The following LRRK1 variants were observed in gnomAD, a reference collection of about 807,000 sequenced individuals.
LRRK1 encodes leucine-rich repeat serine/threonine-protein kinase 1.
A neutral mutation model predicts 209.1 loss-of-function variants in LRRK1; 113 were observed. The observed-to-expected ratio is 0.54, with a 90% CI of 0.46 to 0.63. LRRK1 has a LOEUF of 0.63. LRRK1 is among the 30% of genes least tolerant of loss of function. The pLI is 0.00. For missense variants in LRRK1, 2,284 were observed against 2,632.2 expected, an observed-to-expected ratio of 0.87 and a Z score of 2.89; for synonymous variants, 1,144 against 1,099.7, an observed-to-expected ratio of 1.04 and a Z score of -0.80.
intron 6 of LRRK1, among the ~76,000 whole-genome samples, chr15:101,006,372 TAAAA>T (rs56053663): frequency 1.7e-5 from 2 of 114,448 alleles, no homozygotes; most frequent in East Asian, 4.4e-4. Context: ...GACAATGTGA[TAAAA>T]AAAAAAAAAA....
At chr15:100,949,759 A>T (rs12910172) in intron 2 of LRRK1, among the ~76,000 whole-genome samples, 12,710 of 152,224 alleles carry the variant, frequency 0.083, 697 homozygotes, top group Non-Finnish European at 0.13. Flanking sequence ...TAAAGGAGAA[A>T]AAATATATGA....
intron 26 of LRRK1, among the ~76,000 whole-genome samples, chr15:101,054,570 G>A (rs1459459487): frequency 6.6e-6 from 1 of 152,184 alleles, no homozygotes; most frequent in Non-Finnish European, 1.5e-5. Flanking sequence ...ACTTTGGGAG[G>A]CCCAGGCGGG....
At chr15:101,032,269 A>G (rs1017528994) in intron 20 of LRRK1, among the ~76,000 whole-genome samples, 2 of 151,658 alleles carry the variant, frequency 1.3e-5, no homozygotes, top group Non-Finnish European at 2.9e-5. Context: ...ACTTCTTTAT[A>G]TCTTCTGGAT....
chr15:101,037,327 T>C (rs966176098), intron 20 of LRRK1, among the ~76,000 whole-genome samples: 1 of 152,162 alleles, frequency 6.6e-6, no homozygotes, highest in Non-Finnish European at 1.5e-5. Flanking sequence ...GCAGAGTCGG[T>C]AGGCCCAACC....
Position 100,974,161 on chromosome 15 carries a change from C to T in LRRK1, c.261+194C>T, listed in dbSNP as rs374823787. 42 of 428,706 alleles carry T rather than the reference C, an allele frequency of 9.8e-5. No homozygotes were observed. In the South Asian group the frequency reaches 1.7e-3, roughly 17 times the overall value. The allele number at this position is 428,706 out of a possible 1,614,324, so 26.6% of individuals were successfully genotyped here. On this transcript the variant is annotated intron_variant, in intron 3 of 33. Coordinates refer to ENST00000388948, the MANE Select transcript of LRRK1 (RefSeq NM_024652.6). Reference sequence around the variant, plus strand: ...ACTTCTCAGTCTGATATCACCTAAGCAGGCCCCTGCCACCTTTTCATGGGA... The same window carrying T: ...ACTTCTCAGTCTGATATCACCTAAGTAGGCCCCTGCCACCTTTTCATGGGA...
chr15:100,958,333 T>C (rs1471290013), intron 2 of LRRK1, among the ~76,000 whole-genome samples: 1 of 152,268 alleles, frequency 6.6e-6, no homozygotes, highest in Non-Finnish European at 1.5e-5. Context: ...TTCAGCTGTA[T>C]GCTGGGCAGC....
intron 29 of LRRK1, 65 bp downstream of exon 29, chr15:101,058,206 G>C (rs1468809230): frequency 1.3e-6 from 2 of 1,516,982 alleles, no homozygotes; most frequent in African/African-American, 2.7e-5. Flanking sequence ...TGGAATCTGG[G>C]AACACAGTCG....
intron 2 of LRRK1, among the ~76,000 whole-genome samples, chr15:100,926,680 C>CTTTTTTTTTTTTTTTTTTTTTTTTTTTTT (rs71151990): frequency 1.2e-4 from 10 of 81,848 alleles, no homozygotes; most frequent in Admixed American, 3.2e-4. Flanking sequence ...TTCTTTTTTT[C>CTTTTTTTTTTTTTTTTTTTTTTTTTTTTT]TTTTTTTTTT....
intron 2 of LRRK1, among the ~76,000 whole-genome samples, chr15:100,959,542 A>G (rs117885617): frequency 3.7e-4 from 57 of 152,344 alleles, no homozygotes; most frequent in Non-Finnish European, 7.3e-4. Context: ...AGGCAGACAC[A>G]GGAACAAAAG....
At chr15:101,062,308 G>C in intron 30 of LRRK1, 1 of 372,568 alleles carries the variant, frequency 2.7e-6, no homozygotes, top group Non-Finnish European at 4.9e-6. Context: ...CTTCTGAGAG[G>C]CTGTGCCCCC....
chr15:101,018,178 T>TA (rs34360209), intron 12 of LRRK1, among the ~76,000 whole-genome samples: 11,163 of 126,500 alleles, frequency 0.088, 1,523 homozygotes, highest in African/African-American at 0.31. Context: ...CAAATTGATT[T>TA]AAAAAAAAAA....
At chr15:100,964,781 TACAC>T (rs35276283) in intron 2 of LRRK1, among the ~76,000 whole-genome samples, 2 of 138,620 alleles carry the variant, frequency 1.4e-5, no homozygotes, top group Admixed American at 7.3e-5. Flanking sequence ...AGAAGAGAAA[TACAC>T]ACACACACAC....
chr15:100,923,455 C>A (rs1339205718), intron 1 of LRRK1, among the ~76,000 whole-genome samples: 2 of 152,236 alleles, frequency 1.3e-5, no homozygotes, highest in Admixed American at 6.5e-5. Context: ...TCTGAGAGAA[C>A]ACAGACAAGA....
At chr15:101,014,572 C>T (rs2033439904) in intron 11 of LRRK1, 144 bp downstream of exon 11, 2 of 664,162 alleles carry the variant, frequency 3.0e-6, no homozygotes, top group African/African-American at 3.7e-5. Context: ...CACTGCCTCA[C>T]AGCCCTGGGG....
chr15:100,945,323 T>C (rs901500248), intron 2 of LRRK1, among the ~76,000 whole-genome samples: 53 of 152,180 alleles, frequency 3.5e-4, no homozygotes, highest in African/African-American at 1.3e-3. Context: ...CAAGTATTTA[T>C]TACCAAATGT....
At chr15:100,980,621 C>T (rs1030224179) in intron 3 of LRRK1, among the ~76,000 whole-genome samples, 2 of 152,086 alleles carry the variant, frequency 1.3e-5, no homozygotes, top group Non-Finnish European at 2.9e-5. Context: ...TCGGGGGAAA[C>T]TGGATGAAGG....
At chr15:100,926,680 CTTTTTTTT>C (rs71151990) in intron 2 of LRRK1, among the ~76,000 whole-genome samples, 1 of 81,846 alleles carries the variant, frequency 1.2e-5, no homozygotes, top group Non-Finnish European at 2.2e-5. Flanking sequence ...TTCTTTTTTT[CTTTTTTTT>C]TTTTTTTTTT....
At chr15:101,034,349 G>T (rs2034411330) in intron 20 of LRRK1, among the ~76,000 whole-genome samples, 2 of 152,186 alleles carry the variant, frequency 1.3e-5, no homozygotes, top group South Asian at 2.1e-4. Flanking sequence ...GTCCTGAAGT[G>T]CTTACCCTGT....
intron 29 of LRRK1, among the ~76,000 whole-genome samples, 182 bp from the exon 30 acceptor site, chr15:101,060,988 TG>T (rs2036140793): frequency 6.6e-6 from 1 of 152,230 alleles, no homozygotes; most frequent in Admixed American, 6.5e-5. Context: ...ATGCCCTTCC[TG>T]CGGGCGACGG....
Sources: gnomAD v4.1 joint callset for allele counts (sites outside exome capture counted in the v4.1 genomes callset) on GRCh38, gnomAD v4.1.1 for gene constraint, MANE v1.5 for transcripts, NCBI Gene and HGNC (gene_info 2026-07-23, HGNC 2026-07-21) for gene names.